Variants in MMP26 observed in about 807,000 individuals in gnomAD.
The protein encoded by MMP26 is matrix metalloproteinase-26.
In MMP26, 33 loss-of-function variants were observed where a neutral mutation model predicts 31.0. That is an observed-to-expected ratio of 1.06 (90% CI 0.81 to 1.42). MMP26 has a LOEUF of 1.42. MMP26 is among the 40% of genes most tolerant of loss of function. The pLI, the probability that MMP26 is intolerant of heterozygous loss-of-function variation, is 0.00. For synonymous variants in MMP26, 122 were observed against 114.9 expected (o/e 1.06, Z -0.40); for missense variants, 347 against 316.1 (o/e 1.10, Z -0.74).
In MMP26 at chr11:4,953,421, G is replaced by A. The variant is rs1478556697; in HGVS notation, c.-144-34647G>A. On this transcript the variant is annotated intron_variant, in intron 2 of 7. Coordinates refer to ENST00000380390, the MANE Select transcript of MMP26 (RefSeq NM_021801.5). The stretch of plus-strand genomic sequence containing the variant: ...CAAGAAGTAGAAAGAAATGAAATAA[G>A]CACAAAAGTTATCTATAATTGCAAA... 1.6e-5 allele frequency among the ~76,000 whole-genome samples: 2 copies of A among 124,072 alleles called. 1 individual carries two copies. The highest frequency in any genetic ancestry group is 3.6e-5 in the Non-Finnish European group (2 of 54,964). The allele number at this position is 124,072 out of a possible 152,430, so 81.4% of individuals were successfully genotyped here.
chr11:4,934,875 C>A (rs1851410665), intron 2 of MMP26, among the ~76,000 whole-genome samples: 2 of 151,216 alleles, frequency 1.3e-5, no homozygotes, highest in African/African-American at 4.9e-5. Context: ...TGTCAAAGAT[C>A]AGATAGTTGT....
At chr11:4,915,301 C>G in intron 2 of MMP26, 1 of 1,613,936 alleles carries the variant, frequency 6.2e-7, no homozygotes, top group Non-Finnish European at 8.5e-7. Context: ...AGGCCATAGA[C>G]AGTAGCACAG....
chr11:4,723,717 G>T, intron 1 of MMP26: 1 of 1,069,066 alleles, frequency 9.4e-7, no homozygotes. Flanking sequence ...GGCCCAGAGT[G>T]TCCAGTTGCC....
intron 2 of MMP26, chr11:4,769,546 A>ATT (rs755640092): frequency 1.4e-5 from 23 of 1,613,478 alleles, no homozygotes; most frequent in South Asian, 2.2e-5. Flanking sequence ...TGGCCACATA[A>ATT]CGGTCAAAGG....
At chr11:4,815,671 G>A (rs1335642067) in intron 2 of MMP26, among the ~76,000 whole-genome samples, 1 of 152,068 alleles carries the variant, frequency 6.6e-6, no homozygotes, top group Non-Finnish European at 1.5e-5. Context: ...GCTTCAGCAA[G>A]TGAAATTGGT....
chr11:4,844,122 T>G (rs1210694939), intron 2 of MMP26, among the ~76,000 whole-genome samples: 1 of 152,076 alleles, frequency 6.6e-6, no homozygotes, highest in Non-Finnish European at 1.5e-5. Context: ...ATTTAAAGGA[T>G]AATGGCTATC....
intron 2 of MMP26, chr11:4,795,130 G>A (rs756546899): frequency 6.6e-6 from 1 of 152,198 alleles, no homozygotes; most frequent in African/African-American, 2.4e-5. Context: ...AAACTTAGAA[G>A]CATCAGAAAG....
intron 2 of MMP26, among the ~76,000 whole-genome samples, chr11:4,898,957 A>G (rs868242400): frequency 3.9e-5 from 6 of 151,968 alleles, no homozygotes; most frequent in Middle Eastern, 3.2e-3. Context: ...GGCAGTAGCA[A>G]TTGAGGCCTC....
In MMP26 at chr11:4,953,139, T is replaced by C. The variant is rs1220158607; in HGVS notation, c.-144-34929T>C. Among the ~76,000 whole-genome samples, 2 of 126,056 alleles carry C rather than the reference T, an allele frequency of 1.6e-5. 1 individual carries two copies. Among genetic ancestry groups the C allele is most frequent in the Admixed American group, 1.8e-4 (2 of 11,414 alleles). 82.7% of individuals were successfully genotyped at this position (126,056 alleles called of 152,430 possible). ...TCTCTTTGTACCATATCTTTTTTCC[T>C]GTTTTAAAAATCTTTAGCATCAATG... On this transcript the variant is annotated intron_variant, in intron 2 of 7. Transcript: ENST00000380390.
At chr11:4,895,438 C>A (rs1478715381) in intron 2 of MMP26, among the ~76,000 whole-genome samples, 4 of 152,146 alleles carry the variant, frequency 2.6e-5, no homozygotes, top group African/African-American at 9.7e-5. Context: ...GTGAAGTCTG[C>A]TTTTCTGTTC....
chr11:4,853,712 T>C (rs1850009194), intron 2 of MMP26, among the ~76,000 whole-genome samples: 1 of 152,134 alleles, frequency 6.6e-6, no homozygotes. Flanking sequence ...AGATCACATA[T>C]TAAAAGAAGA....
Position 4,729,453 on chromosome 11 carries a change from GAC to G in MMP26, c.-217+24410_-217+24411del, listed in dbSNP as rs141148636. 7.6e-3 allele frequency among the ~76,000 whole-genome samples: 1,151 copies of G among 152,202 alleles called. 4 individuals carry two copies. Among genetic ancestry groups the G allele is most frequent in the Non-Finnish European group, 0.012 (825 of 68,006 alleles). The stretch of plus-strand genomic sequence containing the variant: ...CAACACTGCCAGAGAAGCTGCCCCA[GAC>G]AGAGAGGGGCAGGAAGAAACTTCTT... On this transcript the variant is annotated intron_variant, in intron 1 of 7. Transcript: ENST00000380390.
At chr11:4,784,592 A>G (rs1848909555) in intron 2 of MMP26, among the ~76,000 whole-genome samples, 1 of 152,192 alleles carries the variant, frequency 6.6e-6, no homozygotes, top group Non-Finnish European at 1.5e-5. Context: ...GCCACATGCC[A>G]AGAAAGATCT....
intron 2 of MMP26, chr11:4,915,616 G>A (rs1439198402): frequency 1.2e-6 from 2 of 1,613,966 alleles, no homozygotes; most frequent in South Asian, 1.1e-5. Context: ...TCAGCAGGAA[G>A]GTAGCAGAAA....
intron 2 of MMP26, among the ~76,000 whole-genome samples, chr11:4,920,044 G>A (rs940956196): frequency 1.3e-5 from 2 of 152,106 alleles, no homozygotes; most frequent in African/African-American, 4.8e-5. Flanking sequence ...TGATTACAAG[G>A]GTATGAAGAG....
rs76780371 is a variant in MMP26, at chr11:4,983,018, A to T, written c.-144-5050A>T. Reference sequence around the variant, plus strand: ...AGGCTTATTACTGTCTCACAATTCTATGTTTATTTAATAGACCATTCTATG... The same window carrying T: ...AGGCTTATTACTGTCTCACAATTCTTTGTTTATTTAATAGACCATTCTATG... On this transcript the variant is annotated intron_variant, in intron 2 of 7. Coordinates refer to ENST00000380390, the MANE Select transcript of MMP26 (RefSeq NM_021801.5). 9.9e-3 allele frequency among the ~76,000 whole-genome samples: 1,508 copies of T among 152,332 alleles called. 28 individuals carry two copies. Among genetic ancestry groups the T allele is most frequent in the African/African-American group, 0.035 (1,443 of 41,582 alleles).
At chr11:4,789,450 G>A (rs1311825715) in intron 2 of MMP26, among the ~76,000 whole-genome samples, 1 of 148,360 alleles carries the variant, frequency 6.7e-6, no homozygotes, top group African/African-American at 2.5e-5. Context: ...TTTTTGACAG[G>A]AATAGAGCTA....
intron 4 of MMP26, 42 bp from the exon 5 acceptor site, chr11:4,990,556 C>G (rs377474213): frequency 1.3e-6 from 2 of 1,557,450 alleles, no homozygotes; most frequent in East Asian, 4.5e-5. Context: ...AGGATAATTC[C>G]CATTCCTCTG....
intron 1 of MMP26, among the ~76,000 whole-genome samples, chr11:4,732,396 A>G (rs2133284873): frequency 6.6e-6 from 1 of 152,204 alleles, no homozygotes; most frequent in East Asian, 1.9e-4. Context: ...TTTTAATACA[A>G]TAGTTTTTTG....
Sources: allele counts gnomAD v4.1 joint callset (sites outside exome capture counted in the v4.1 genomes callset), GRCh38; gene constraint gnomAD v4.1.1; transcripts MANE v1.5; gene names NCBI Gene and HGNC (gene_info 2026-07-23, HGNC 2026-07-21).